The following ATF6 variants were observed in gnomAD, a reference collection of about 807,000 sequenced individuals.
The protein encoded by ATF6 is activating transcription factor 6.
ATF6 carries 53 observed loss-of-function variants against 83.6 expected under a neutral mutation model. The ratio of observed to expected loss-of-function variants is 0.63; its 90% CI spans 0.51 to 0.80. The LOEUF is 0.80. Among genes scored for constraint, ATF6 ranks in the 30% least tolerant of loss-of-function variants. The pLI is 0.00. For missense variants in ATF6, 744 were observed against 797.9 expected, an observed-to-expected ratio of 0.93 and a Z score of 0.81; for synonymous variants, 288 against 285.8, an observed-to-expected ratio of 1.01 and a Z score of -0.08.
At chr1:161,778,604 T>C (rs1466402849) in intron 2 of ATF6, among the ~76,000 whole-genome samples, 3 of 152,204 alleles carry the variant, frequency 2.0e-5, no homozygotes. Flanking sequence ...GATACTTTGC[T>C]ACATAAGGGA....
chr1:161,870,003 A>T (rs926043715), intron 14 of ATF6, among the ~76,000 whole-genome samples: 2 of 142,992 alleles, frequency 1.4e-5, no homozygotes, highest in Admixed American at 7.2e-5. Context: ...GCAATAATTG[A>T]TAGATTCTAA....
At chr1:161,873,089 T>A (rs553601308) in intron 14 of ATF6, among the ~76,000 whole-genome samples, 3 of 151,554 alleles carry the variant, frequency 2.0e-5, no homozygotes, top group Non-Finnish European at 4.4e-5. Context: ...AGTTTTTGTT[T>A]ATTTGCAGTA....
intron 9 of ATF6, among the ~76,000 whole-genome samples, chr1:161,833,827 A>C (rs1686138855): frequency 6.6e-6 from 1 of 152,186 alleles, no homozygotes; most frequent in East Asian, 1.9e-4. Flanking sequence ...GTTGGAAAAC[A>C]CTCTGCAGGA....
At chr1:161,872,428 C>T (rs547984718) in intron 14 of ATF6, among the ~76,000 whole-genome samples, 1 of 151,592 alleles carries the variant, frequency 6.6e-6, no homozygotes, top group African/African-American at 2.4e-5. Flanking sequence ...GGATCATTTT[C>T]CAGAGACTAA....
At chr1:161,807,016 A>G (rs1449787368) in intron 7 of ATF6, among the ~76,000 whole-genome samples, 4 of 152,046 alleles carry the variant, frequency 2.6e-5, no homozygotes, top group Non-Finnish European at 5.9e-5. Context: ...TACCATGTGT[A>G]TAGCAAGCAG....
At chr1:161,773,078 G>A (rs1262703076) in intron 1 of ATF6, among the ~76,000 whole-genome samples, 5 of 144,912 alleles carry the variant, frequency 3.5e-5, no homozygotes, top group South Asian at 4.5e-4. Context: ...AGCGATTCCC[G>A]CCTCAGCTTC....
intron 15 of ATF6, among the ~76,000 whole-genome samples, chr1:161,952,457 T>C (rs904553028): frequency 6.6e-6 from 1 of 152,028 alleles, no homozygotes; most frequent in Non-Finnish European, 1.5e-5. Flanking sequence ...CCATGCTTTT[T>C]CCCCCCATAG....
At chr1:161,905,245 A>C (rs2101882856) in intron 14 of ATF6, among the ~76,000 whole-genome samples, 1 of 152,264 alleles carries the variant, frequency 6.6e-6, no homozygotes, top group African/African-American at 2.4e-5. Context: ...ATCCACACAA[A>C]CACAAGTGGC....
chr1:161,854,512 AGAC>A (rs1432839419), intron 12 of ATF6, among the ~76,000 whole-genome samples: 1 of 152,248 alleles, frequency 6.6e-6, no homozygotes, highest in Non-Finnish European at 1.5e-5. Flanking sequence ...CTCGAGAAGA[AGAC>A]AAGGGTTTGG....
chr1:161,789,080 A>G (rs1684814539), intron 4 of ATF6, among the ~76,000 whole-genome samples: 1 of 151,972 alleles, frequency 6.6e-6, no homozygotes, highest in Non-Finnish European at 1.5e-5. Context: ...CAGGCATGCA[A>G]TGTAAAATAA....
At position 161,953,371 on chromosome 1, in the gene ATF6, G is replaced by C. The variant is rs149665238; in HGVS notation, c.1805-5075G>C. Among the ~76,000 whole-genome samples, 59 of 152,222 alleles carry C rather than the reference G, an allele frequency of 3.9e-4. No homozygotes were observed. In the East Asian group the frequency reaches 0.011, roughly 29 times the overall value. ...ACCCTTCAATCATCATGACCACTTA[G>C]AGTGCCTGGAAGGTTGGTGGTTTTT... is the stretch of plus-strand genomic sequence containing the variant. On this transcript the variant is annotated intron_variant, in intron 15 of 15. Transcript: ENST00000367942.
intron 2 of ATF6, 120 bp downstream of exon 2, chr1:161,778,440 G>A (rs1684570151): frequency 7.3e-6 from 5 of 684,476 alleles, no homozygotes; most frequent in African/African-American, 1.8e-5. Context: ...ATGGTAAATA[G>A]CTTCTACCAT....
At chr1:161,894,429 A>G (rs1400526059) in intron 14 of ATF6, among the ~76,000 whole-genome samples, 1 of 151,314 alleles carries the variant, frequency 6.6e-6, no homozygotes, top group African/African-American at 2.4e-5. Flanking sequence ...TTAAACTTCA[A>G]ACTTCTTAAA....
At chr1:161,897,858 A>C (rs1294246098) in intron 14 of ATF6, among the ~76,000 whole-genome samples, 2 of 152,156 alleles carry the variant, frequency 1.3e-5, no homozygotes, top group East Asian at 3.9e-4. Flanking sequence ...GTTTCCTTTT[A>C]CTTTTTTATT....
At position 161,895,391 on chromosome 1, in the gene ATF6, A is replaced by G. The variant is rs184392040; in HGVS notation, c.1720-16905A>G. Among the ~76,000 whole-genome samples the G allele has an allele frequency of 1.5e-3, 224 of 152,230 alleles. 1 individual carries two copies. The highest frequency in any genetic ancestry group is 1.5e-3 in the Non-Finnish European group (103 of 67,982). On this transcript the variant is annotated intron_variant, in intron 14 of 15. Transcript: ENST00000367942. ...GTTTTACTTATTTTAAAGGATGCAT[A>G]TATGTTTTTACATCATTGCAATATA... is the stretch of plus-strand genomic sequence containing the variant.
intron 15 of ATF6, among the ~76,000 whole-genome samples, chr1:161,915,770 C>T (rs1688085278): frequency 6.6e-6 from 1 of 151,974 alleles, no homozygotes; most frequent in East Asian, 1.9e-4. Flanking sequence ...TGAACACAGG[C>T]ACATTCCACT....
chr1:161,814,366 C>G (rs755889662), intron 7 of ATF6, among the ~76,000 whole-genome samples: 26 of 152,286 alleles, frequency 1.7e-4, no homozygotes, highest in Admixed American at 7.2e-4. Context: ...GCTTTTACCT[C>G]TCTTTTGGTT....
chr1:161,846,493 C>G lies in ATF6; in HGVS notation c.1232C>G (p.Pro411Arg), dbSNP rs773719005. 23 of 1,610,862 alleles carry G rather than the reference C, an allele frequency of 1.4e-5. No homozygotes were observed. The highest frequency in any genetic ancestry group is 2.0e-5 in the Non-Finnish European group (23 of 1,178,166). Reference protein sequence around the residue: ...DSRRMNPSVSPANQRRHLLGF... With the variant: ...DSRRMNPSVSRANQRRHLLGF... The stretch of plus-strand genomic sequence containing the variant: ...AGGAGAATGAACCCTAGTGTGAGCC[C>G]TGCAAATCAAAGGAGGCACCTTCTA... The change falls in exon 10 of 16, where the codon CCT becomes CGT. Residue 411 changes from proline to arginine, a missense_variant. Coordinates refer to ENST00000367942, the MANE Select transcript of ATF6 (RefSeq NM_007348.4).
chr1:161,789,161 A>T (rs1341645179), intron 4 of ATF6, among the ~76,000 whole-genome samples: 1 of 151,248 alleles, frequency 6.6e-6, no homozygotes, highest in East Asian at 1.9e-4. Context: ...ATCCAGTTAC[A>T]TACTTTTTGT....
Sources: gnomAD v4.1 joint callset for allele counts (sites outside exome capture counted in the v4.1 genomes callset) on GRCh38, gnomAD v4.1.1 for gene constraint, MANE v1.5 for transcripts, NCBI Gene and HGNC (gene_info 2026-07-23, HGNC 2026-07-21) for gene names.